Variants in KIAA1958 observed in about 807,000 individuals in gnomAD.
KIAA1958 encodes the protein KIAA1958, also known as uncharacterized protein KIAA1958.
In KIAA1958, 14 loss-of-function variants were observed where a neutral mutation model predicts 47.2. The ratio of observed to expected loss-of-function variants is 0.30; its 90% CI spans 0.20 to 0.46. The LOEUF is 0.46. Ranked by LOEUF, KIAA1958 falls within the 20% of genes least tolerant of loss-of-function variation. KIAA1958 has a pLI of 1.00. For synonymous variants in KIAA1958, 354 were observed against 353.3 expected (o/e 1.00, Z -0.02); for missense variants, 803 against 909.2 (o/e 0.88, Z 1.50).
intron 1 of KIAA1958, among the ~76,000 whole-genome samples, chr9:112,507,318 G>A (rs1299058366): frequency 6.6e-6 from 1 of 152,106 alleles, no homozygotes; most frequent in African/African-American, 2.4e-5. Flanking sequence ...AAAGATGTGT[G>A]GAACTGACTG....
At chr9:112,639,461 T>C (rs1012135326) in intron 2 of KIAA1958, among the ~76,000 whole-genome samples, 2 of 152,174 alleles carry the variant, frequency 1.3e-5, no homozygotes, top group African/African-American at 4.8e-5. Context: ...TTCTTCATGC[T>C]GCTTAGGCTA....
Position 112,666,569 on chromosome 9 carries a change from T to C in KIAA1958, c.*6500T>C, listed in dbSNP as rs953307882. The C allele has an allele frequency of 1.3e-5, 2 of 152,182 alleles. No individual in the cohort carries two copies. The highest frequency in any genetic ancestry group is 4.8e-5 in the African/African-American group (2 of 41,458). 9.4% of individuals were successfully genotyped at this position (152,182 alleles called of 1,614,324 possible). ...CTCACAGAAGACCCTAGTGAGCTTC[T>C]TGTACCTTCCCAGAAAAACCCAGAA... On this transcript the variant is annotated 3_prime_UTR_variant, in exon 4 of 4. Transcript: ENST00000337530.
At chr9:112,542,777 TG>T (rs1834964291) in intron 1 of KIAA1958, among the ~76,000 whole-genome samples, 1 of 152,058 alleles carries the variant, frequency 6.6e-6, no homozygotes, top group African/African-American at 2.4e-5. Context: ...TGAAAACAGC[TG>T]GGCTGAGTGT....
At chr9:112,492,502 A>T (rs142781053) in intron 1 of KIAA1958, among the ~76,000 whole-genome samples, 2 of 152,224 alleles carry the variant, frequency 1.3e-5, no homozygotes, top group Non-Finnish European at 2.9e-5. Context: ...CCTATAACAC[A>T]GTCCATCCCT....
intron 1 of KIAA1958, among the ~76,000 whole-genome samples, chr9:112,509,607 G>T (rs1326312037): frequency 6.6e-6 from 1 of 152,098 alleles, no homozygotes; most frequent in East Asian, 1.9e-4. Flanking sequence ...GTAAGGTAAG[G>T]CAAAAAGGAT....
Position 112,553,180 on chromosome 9 carries a change from C to T in KIAA1958, c.-24-20877C>T, listed in dbSNP as rs543698553. On this transcript the variant is annotated intron_variant, in intron 1 of 3. Transcript: ENST00000337530. ...CCCTGCCCTCTCCCCTCTCCCCTCT[C>T]CCCTCCCCTTCTTTTCCTACTTTTA... Among the ~76,000 whole-genome samples the T allele has an allele frequency of 3.5e-5, 5 of 141,086 alleles. No individual in the cohort carries two copies. In the South Asian group the frequency reaches 1.0e-3, roughly 29 times the overall value. 92.6% of individuals were successfully genotyped at this position (141,086 alleles called of 152,430 possible). A position where few individuals can be genotyped will look rare whatever the true frequency, so the allele number is the denominator to read the frequency against.
intron 2 of KIAA1958, among the ~76,000 whole-genome samples, chr9:112,641,590 C>CT (rs1354469518): frequency 8.6e-5 from 13 of 151,896 alleles, no homozygotes; most frequent in African/African-American, 2.7e-4. Context: ...ATTAATGGAA[C>CT]TTTTCTTATA....
At position 112,574,676 on chromosome 9, in the gene KIAA1958, T is replaced by C; in HGVS notation, c.596T>C (p.Ile199Thr). 6.2e-7 allele frequency: 1 copy of C among 1,614,118 alleles called. No homozygotes were observed. The highest frequency in any genetic ancestry group is 8.5e-7 in the Non-Finnish European group (1 of 1,180,016). ...GTTGACGAATGCAGCAATGATGTCATCATCAAGAAAATCAAACAAGAAATC... is the reference window on the plus strand; with the variant it reads ...GTTGACGAATGCAGCAATGATGTCACCATCAAGAAAATCAAACAAGAAATC... ...QMVDECSNDVIIKKIKQEIPE... is the reference protein window; with the variant it reads ...QMVDECSNDVTIKKIKQEIPE... The change falls in exon 2 of 4, where the codon ATC becomes ACC. Residue 199 changes from isoleucine to threonine, a missense_variant. By Grantham distance (89) the Ile-to-Thr change is moderately conservative. Transcript: ENST00000337530.
chr9:112,589,013 C>T (rs1564183110), intron 2 of KIAA1958, among the ~76,000 whole-genome samples: 1 of 151,822 alleles, frequency 6.6e-6, no homozygotes, highest in East Asian at 1.9e-4. Flanking sequence ...CTCTTAGGTT[C>T]AAGCAGTTCT....
At chr9:112,612,914 A>G (rs548782759) in intron 2 of KIAA1958, among the ~76,000 whole-genome samples, 1 of 152,242 alleles carries the variant, frequency 6.6e-6, no homozygotes. Context: ...TTATATCCAT[A>G]TATAATAGAA....
Position 112,666,637 on chromosome 9 carries a change from A to C in KIAA1958, c.*6568A>C, listed in dbSNP as rs911238016. On this transcript the variant is annotated 3_prime_UTR_variant, in exon 4 of 4. Coordinates refer to ENST00000337530, the MANE Select transcript of KIAA1958 (RefSeq NM_133465.4). ...TCTAGAATCTAGAAGGAATTGATGT[A>C]ATTTATGAGGCATATGGAGGTAGCT... 3.9e-5 allele frequency: 6 copies of C among 152,246 alleles called. No individual in the cohort carries two copies. Among genetic ancestry groups the C allele is most frequent in the African/African-American group, 1.4e-4 (6 of 41,472 alleles). The allele number at this position is 152,246 out of a possible 1,614,324, so 9.4% of individuals were successfully genotyped here.
At position 112,628,907 on chromosome 9, in the gene KIAA1958, G is replaced by A. The variant is rs142831958; in HGVS notation, c.1172-16743G>A. Among the ~76,000 whole-genome samples, 998 of 152,262 alleles carry A rather than the reference G, an allele frequency of 6.6e-3. 16 individuals carry two copies. The highest frequency in any genetic ancestry group is 0.022 in the African/African-American group (913 of 41,552). On this transcript the variant is annotated intron_variant, in intron 2 of 3. Transcript: ENST00000337530. ...GTCAGTAATAGTTTGTACCTTTTAT[G>A]TTGTAGCCTGAAAATGTAACTCTAA...
intron 1 of KIAA1958, among the ~76,000 whole-genome samples, chr9:112,550,018 T>G (rs7850458): frequency 2.0e-5 from 3 of 152,322 alleles, no homozygotes; most frequent in South Asian, 2.1e-4. Context: ...TAGAGTTGAG[T>G]TACCATGATT....
intron 1 of KIAA1958, among the ~76,000 whole-genome samples, chr9:112,520,640 T>A (rs535416590): frequency 1.3e-5 from 2 of 152,352 alleles, no homozygotes; most frequent in African/African-American, 4.8e-5. Context: ...ACAGTAATTA[T>A]ACACTGTAAG....
intron 2 of KIAA1958, among the ~76,000 whole-genome samples, chr9:112,582,185 G>A (rs1444792186): frequency 6.6e-6 from 1 of 152,176 alleles, no homozygotes; most frequent in Non-Finnish European, 1.5e-5. Flanking sequence ...AGCACAACGG[G>A]TGACTGTAGT....
chr9:112,578,645 A>G (rs1588026204), intron 2 of KIAA1958, among the ~76,000 whole-genome samples: 1 of 152,186 alleles, frequency 6.6e-6, no homozygotes. Flanking sequence ...TCATAAAATT[A>G]TAAAATGTTA....
At chr9:112,653,144 C>T (rs1253247228) in intron 3 of KIAA1958, among the ~76,000 whole-genome samples, 3 of 151,844 alleles carry the variant, frequency 2.0e-5, no homozygotes, top group Non-Finnish European at 4.4e-5. Context: ...GCTTAGGTGA[C>T]GTAGAAAGTA....
At chr9:112,601,749 T>C (rs1356165733) in intron 2 of KIAA1958, among the ~76,000 whole-genome samples, 2 of 152,238 alleles carry the variant, frequency 1.3e-5, no homozygotes, top group African/African-American at 4.8e-5. Flanking sequence ...TTTTGTGTTC[T>C]ATTTCTGTTT....
intron 1 of KIAA1958, among the ~76,000 whole-genome samples, chr9:112,539,472 C>T (rs1834905043): frequency 6.6e-6 from 1 of 152,014 alleles, no homozygotes; most frequent in East Asian, 1.9e-4. Flanking sequence ...GTAGCATAGA[C>T]CAGTCTGTAG....
Sources: allele counts gnomAD v4.1 joint callset (sites outside exome capture counted in the v4.1 genomes callset), GRCh38; gene constraint gnomAD v4.1.1; transcripts MANE v1.5; gene names NCBI Gene and HGNC (gene_info 2026-07-23, HGNC 2026-07-21).